Variants in MTRR observed in about 807,000 individuals in gnomAD.
MTRR encodes 5-methyltetrahydrofolate-homocysteine methyltransferase reductase, also known as methionine synthase reductase.
A neutral mutation model predicts 79.2 loss-of-function variants in MTRR; 63 were observed. The ratio of observed to expected loss-of-function variants is 0.80; its 90% CI spans 0.65 to 0.98. The LOEUF is 0.98. MTRR is among the 50% of genes least tolerant of loss of function. The pLI is 0.00. For missense variants in MTRR, 895 were observed against 839.6 expected (o/e 1.07, Z -0.82); for synonymous variants, 355 against 313.3 (o/e 1.13, Z -1.41).
At chr5:7,877,885 T>G (rs2126692448) in intron 4 of MTRR, 59 bp from the exon 5 acceptor site, 1 of 1,600,776 alleles carries the variant, frequency 6.2e-7, no homozygotes, top group South Asian at 1.1e-5. Flanking sequence ...TATCCTGTTC[T>G]GTGTTCAGAT....
intron 1 of MTRR, among the ~76,000 whole-genome samples, chr5:7,853,707 T>C (rs555398549): frequency 1.3e-5 from 2 of 152,288 alleles, no homozygotes; most frequent in East Asian, 3.9e-4. Flanking sequence ...CATGGAGGCA[T>C]GTTTCATCAC....
At chr5:7,874,951 C>T (rs968592708) in intron 3 of MTRR, among the ~76,000 whole-genome samples, 1 of 152,144 alleles carries the variant, frequency 6.6e-6, no homozygotes, top group East Asian at 1.9e-4. Flanking sequence ...TGCAACCTGT[C>T]TGATCCTTGT....
At chr5:7,857,263 A>C (rs765882753) in intron 1 of MTRR, among the ~76,000 whole-genome samples, 2 of 152,220 alleles carry the variant, frequency 1.3e-5, no homozygotes, top group African/African-American at 2.4e-5. Flanking sequence ...TGCAACTGAC[A>C]CATTCAGATC....
intron 5 of MTRR, 21 bp downstream of exon 5, chr5:7,878,343 G>A (rs764798384): frequency 1.2e-6 from 2 of 1,611,580 alleles, no homozygotes; most frequent in Non-Finnish European, 1.7e-6. Flanking sequence ...TTTTCTTTAT[G>A]CTATAGATGC....
At chr5:7,874,610 T>A (rs1437255079) in intron 3 of MTRR, among the ~76,000 whole-genome samples, 9 of 126,876 alleles carry the variant, frequency 7.1e-5, no homozygotes, top group South Asian at 2.7e-4. Flanking sequence ...TTTTTTTTTT[T>A]ACACCATGAG....
chr5:7,870,076 C>G, intron 1 of MTRR: 1 of 984,980 alleles, frequency 1.0e-6, no homozygotes, highest in South Asian at 4.7e-5. Context: ...GTTTGTTTTA[C>G]TACTGCTTAT....
chr5:7,856,170 A>G (rs1746241801), intron 1 of MTRR, among the ~76,000 whole-genome samples: 1 of 152,218 alleles, frequency 6.6e-6, no homozygotes, highest in Non-Finnish European at 1.5e-5. Context: ...GGAACGTTGT[A>G]TGCAAAATTC....
chr5:7,867,849 G>C (rs774567361), upstream of MTRR: 4 of 1,614,132 alleles, frequency 2.5e-6, no homozygotes, highest in East Asian at 8.9e-5. Flanking sequence ...GAGAACACTG[G>C]TCCACCGAGT....
At chr5:7,850,990 G>T, upstream of MTRR, 1 of 1,292,602 alleles carries the variant, frequency 7.7e-7, no homozygotes, top group South Asian at 2.8e-5. Context: ...CCGCAGCGTG[G>T]ACGCGGTGGT....
Position 7,900,180 on chromosome 5 carries a change from ATGGAG to A in MTRR, c.*128_*132del. 1 of 1,127,034 alleles carries A rather than the reference ATGGAG, an allele frequency of 8.9e-7. No homozygotes were observed. 69.8% of individuals were successfully genotyped at this position (1,127,034 alleles called of 1,614,324 possible). On this transcript the variant is annotated 3_prime_UTR_variant, in exon 15 of 15. Transcript: ENST00000440940. Reference sequence around the variant, plus strand: ...TTTCTTTCAACATTTCTTGAAGGACATGGAGTGGAGATTGGATCATTTAACAATAT... The same window carrying A: ...TTTCTTTCAACATTTCTTGAAGGACATGGAGATTGGATCATTTAACAATAT...
rs752543039 is a variant in MTRR at position 7,885,781 on chromosome 5, C to G, written c.984C>G (p.Leu328=). 2.5e-5 allele frequency: 40 copies of G among 1,613,778 alleles called. No homozygotes were observed. Among genetic ancestry groups the G allele is most frequent in the Non-Finnish European group, 3.4e-5 (40 of 1,180,014 alleles). ...GTGATTCTGAGGTACAAAGCCTACTCCAAAGACTGCAGCTTGAAGATAAAA... is the reference window on the plus strand; with the variant it reads ...GTGATTCTGAGGTACAAAGCCTACTGCAAAGACTGCAGCTTGAAGATAAAA... The part of the protein sequence containing the change: ...PNSDSEVQSL[L]QRLQLEDKRE... Residue 328 remains leucine (L), a synonymous_variant, in exon 7 of 15, where the codon CTC becomes CTG. Transcript: ENST00000440940.
chr5:7,872,045 T>A (rs1047287652), intron 2 of MTRR, among the ~76,000 whole-genome samples: 1 of 152,154 alleles, frequency 6.6e-6, no homozygotes, highest in Non-Finnish European at 1.5e-5. Flanking sequence ...CTATTTATCC[T>A]CCCTGGCTGA....
chr5:7,868,111 A>C, upstream of MTRR: 2 of 1,489,758 alleles, frequency 1.3e-6, no homozygotes, highest in Non-Finnish European at 1.8e-6. Context: ...TTGATAACTA[A>C]ATTAAAAAAT....
At chr5:7,896,336 A>T (rs1207418004) in intron 12 of MTRR, 6 of 182,606 alleles carry the variant, frequency 3.3e-5, no homozygotes. Context: ...ACTTCTGTTT[A>T]TATTTGTGAA....
intron 8 of MTRR, 146 bp from the exon 9 acceptor site, chr5:7,888,949 A>T: frequency 6.4e-6 from 5 of 784,374 alleles, no homozygotes; most frequent in Non-Finnish European, 1.0e-5. Flanking sequence ...GGTAAATTAA[A>T]TTCCCTCCTC....
At chr5:7,850,973 G>T (rs563581679), upstream of MTRR, 63 of 1,314,552 alleles carry the variant, frequency 4.8e-5, no homozygotes, top group South Asian at 1.5e-3. Context: ...GGCGGCCTGG[G>T]CTTGCCCCGC....
intron 8 of MTRR, among the ~76,000 whole-genome samples, chr5:7,887,395 T>C (rs1009355943): frequency 2.0e-5 from 3 of 151,942 alleles, no homozygotes; most frequent in African/African-American, 7.3e-5. Context: ...GCCACACTTG[T>C]ATTGTCAGTG....
rs375332745 is a variant in MTRR at position 7,886,620 on chromosome 5, A to G, written c.1063A>G (p.Thr355Ala). ...IKADTKKKGA[T>A]LPQHIPAGCS... The stretch of plus-strand genomic sequence containing the variant: ...TCCCGTCTTTACCTGAAAAGGAGCT[A>G]CCTTACCCCAGCATATACCTGCGGG... Residue 355 changes from threonine (T) to alanine (A), a missense_variant, in exon 8 of 15, where the codon ACC becomes GCC. Transcript: ENST00000440940. The G allele has an allele frequency of 3.1e-6, 5 of 1,612,740 alleles. No homozygotes were observed. The highest frequency in any genetic ancestry group is 1.6e-4 in the Middle Eastern group (1 of 6,076).
intron 10 of MTRR, among the ~76,000 whole-genome samples, chr5:7,892,498 G>A (rs1213063827): frequency 1.3e-5 from 2 of 152,128 alleles, no homozygotes; most frequent in Admixed American, 6.5e-5. Context: ...TAGTCCTAGT[G>A]CAAGCAAATA....
Sources: allele counts gnomAD v4.1 joint callset (sites outside exome capture counted in the v4.1 genomes callset), GRCh38; gene constraint gnomAD v4.1.1; transcripts MANE v1.5; gene names NCBI Gene and HGNC (gene_info 2026-07-23, HGNC 2026-07-21).